The following AUTS2 variants were observed in gnomAD, a reference collection of about 807,000 sequenced individuals.
AUTS2 encodes the protein autism susceptibility gene 2 protein.
In AUTS2, 17 loss-of-function variants were observed where a neutral mutation model predicts 112.4. That is an observed-to-expected ratio of 0.15 (90% CI 0.10 to 0.23). The LOEUF is 0.23. AUTS2 is among the 10% of genes least tolerant of loss of function. The pLI is 1.00. For synonymous variants in AUTS2, 751 were observed against 702.7 expected (o/e 1.07, Z -1.09); for missense variants, 1,510 against 1,701.6 (o/e 0.89, Z 1.98).
At chr7:70,207,242 A>G (rs2129586660) in intron 4 of AUTS2, among the ~76,000 whole-genome samples, 1 of 152,308 alleles carries the variant, frequency 6.6e-6, no homozygotes, top group East Asian at 1.9e-4. Flanking sequence ...ATAAATCTCT[A>G]TGCTTACATT....
chr7:70,081,031 G>A (rs1274102801), intron 2 of AUTS2, among the ~76,000 whole-genome samples: 2 of 152,160 alleles, frequency 1.3e-5, no homozygotes, highest in Non-Finnish European at 2.9e-5. Flanking sequence ...AAGCATTTAT[G>A]TCAAGCAGCT....
intron 1 of AUTS2, among the ~76,000 whole-genome samples, chr7:69,891,283 C>T (rs557450198): frequency 4.6e-5 from 7 of 152,126 alleles, no homozygotes; most frequent in East Asian, 3.8e-4. Flanking sequence ...TATTTTGAGA[C>T]GTATTCATGC....
intron 4 of AUTS2, among the ~76,000 whole-genome samples, chr7:70,234,414 C>G (rs1812214627): frequency 6.6e-6 from 1 of 152,090 alleles, no homozygotes; most frequent in African/African-American, 2.4e-5. Context: ...GATATGTTTC[C>G]TTTTACACTT....
chr7:70,144,392 T>G (rs1245685949), intron 4 of AUTS2, among the ~76,000 whole-genome samples: 1 of 152,064 alleles, frequency 6.6e-6, no homozygotes, highest in Non-Finnish European at 1.5e-5. Context: ...CTGGTTTTTC[T>G]GGGAGGAACA....
chr7:70,131,296 A>G (rs574027274), intron 3 of AUTS2, among the ~76,000 whole-genome samples: 18 of 152,108 alleles, frequency 1.2e-4, no homozygotes, highest in Middle Eastern at 3.2e-3. Context: ...AGGAAAAAAA[A>G]AATAGCTGGG....
chr7:69,649,709 A>G (rs1020278592), intron 1 of AUTS2, among the ~76,000 whole-genome samples: 3 of 152,166 alleles, frequency 2.0e-5, no homozygotes, highest in African/African-American at 7.2e-5. Flanking sequence ...CATTAAAAAA[A>G]AAAGCTAAAT....
At chr7:69,936,775 C>T (rs2129544505) in intron 2 of AUTS2, among the ~76,000 whole-genome samples, 1 of 152,274 alleles carries the variant, frequency 6.6e-6, no homozygotes, top group Admixed American at 6.5e-5. Flanking sequence ...GTGGTAAATA[C>T]AGTAATGTGA....
At chr7:70,534,109 C>T (rs12532117) in intron 5 of AUTS2, among the ~76,000 whole-genome samples, 4,947 of 152,298 alleles carry the variant, frequency 0.032, 140 homozygotes, top group Admixed American at 0.1. Flanking sequence ...CTGGTATTGC[C>T]TTTTCTCTGC....
intron 14 of AUTS2, among the ~76,000 whole-genome samples, chr7:70,779,852 A>G (rs1358641691): frequency 6.6e-6 from 1 of 152,136 alleles, no homozygotes; most frequent in African/African-American, 2.4e-5. Flanking sequence ...CCTGGGCAAC[A>G]TAGAGAGAGA....
At chr7:70,497,272 A>C (rs375351360) in intron 5 of AUTS2, among the ~76,000 whole-genome samples, 1,997 of 142,658 alleles carry the variant, frequency 0.014, 22 homozygotes, top group Non-Finnish European at 0.02. Flanking sequence ...ACACACACAC[A>C]CCCCCCACAC....
rs985915396 is a variant in AUTS2 at position 70,694,552 on chromosome 7, T to TGTCGCC, written c.691-4015_691-4010dup. On this transcript the variant is annotated intron_variant, in intron 5 of 18. Transcript: ENST00000342771. This position sits in a 1 kb window ranked among gnomAD's most constrained non-coding sequence, Gnocchi z 4.1. ...CCTCCGCACATGGTCTCCTTTGTCC[T>TGTCGCC]GTCGCCGCCGCCGCCGCCTCGCTCT... The TGTCGCC allele has an allele frequency of 6.8e-6, 1 of 147,696 alleles. No individual in the cohort carries two copies. The highest frequency in any genetic ancestry group is 2.5e-5 in the African/African-American group (1 of 40,652). The allele number at this position is 147,696 out of a possible 1,614,324, so 9.1% of individuals were successfully genotyped here. A position where few individuals can be genotyped will look rare whatever the true frequency, so the allele number is the denominator to read the frequency against.
At chr7:70,292,156 A>G (rs1033322149) in intron 4 of AUTS2, 1 of 152,200 alleles carries the variant, frequency 6.6e-6, no homozygotes, top group Non-Finnish European at 1.5e-5. Flanking sequence ...TTCTTATGCC[A>G]GGCACTGTAC....
chr7:70,607,658 C>G (rs781106807), intron 5 of AUTS2, among the ~76,000 whole-genome samples: 3 of 152,150 alleles, frequency 2.0e-5, no homozygotes, highest in Non-Finnish European at 4.4e-5. Flanking sequence ...CAAGATACTG[C>G]CACACAGTTG....
intron 4 of AUTS2, among the ~76,000 whole-genome samples, chr7:70,221,113 G>A (rs56376205): frequency 6.6e-6 from 1 of 152,040 alleles, no homozygotes; most frequent in Non-Finnish European, 1.5e-5. Context: ...TCACTATGTT[G>A]CCCAGAGTGG....
intron 5 of AUTS2, among the ~76,000 whole-genome samples, chr7:70,470,347 T>A (rs1242284674): frequency 6.6e-6 from 1 of 152,110 alleles, no homozygotes; most frequent in Non-Finnish European, 1.5e-5. Context: ...CTGTGAAAAC[T>A]CAAAACCCAG....
intron 4 of AUTS2, among the ~76,000 whole-genome samples, chr7:70,342,930 T>G (rs533772926): frequency 6.6e-6 from 1 of 152,252 alleles, no homozygotes; most frequent in East Asian, 1.9e-4. Flanking sequence ...GGAAAAGACC[T>G]TGTAGTTTTT....
chr7:69,635,735 A>G (rs1216685999), intron 1 of AUTS2, among the ~76,000 whole-genome samples: 1 of 152,242 alleles, frequency 6.6e-6, no homozygotes, highest in African/African-American at 2.4e-5. Context: ...AGCCTTGGCA[A>G]GGAAATCTGT....
intron 5 of AUTS2, among the ~76,000 whole-genome samples, chr7:70,456,620 C>A (rs918289990): frequency 3.3e-5 from 5 of 152,212 alleles, no homozygotes; most frequent in Non-Finnish European, 7.3e-5. Flanking sequence ...CTGCTGAGGG[C>A]AGGCAGGCCA....
At chr7:70,458,419 A>G (rs1159475689) in intron 5 of AUTS2, among the ~76,000 whole-genome samples, 1 of 152,186 alleles carries the variant, frequency 6.6e-6, no homozygotes, top group Non-Finnish European at 1.5e-5. Flanking sequence ...TCTCAAGTAT[A>G]AAGAATACCC....
Sources: allele counts gnomAD v4.1 joint callset (sites outside exome capture counted in the v4.1 genomes callset), GRCh38; gene constraint gnomAD v4.1.1; non-coding constraint Gnocchi (gnomAD v3.1); transcripts MANE v1.5; gene names NCBI Gene and HGNC (gene_info 2026-07-23, HGNC 2026-07-21).